The following OTUD3 variants were observed in gnomAD, a reference collection of about 807,000 sequenced individuals.
OTUD3 encodes OTU deubiquitinase 3, also known as OTU domain-containing protein 3.
A neutral mutation model predicts 46.2 loss-of-function variants in OTUD3; 24 were observed. The observed-to-expected ratio is 0.52, with a 90% CI of 0.38 to 0.73. The LOEUF (loss-of-function observed/expected upper bound fraction) is 0.73, where lower values mean the gene tolerates loss of function less well. Ranked by LOEUF, OTUD3 falls within the 30% of genes least tolerant of loss-of-function variation. The pLI, the probability that OTUD3 is intolerant of heterozygous loss-of-function variation, is 0.00. For synonymous variants in OTUD3, 189 were observed against 195.4 expected (o/e 0.97, Z 0.27); for missense variants, 455 against 523.3 (o/e 0.87, Z 1.27).
chr1:19,888,698 C>A (rs1345937869), intron 1 of OTUD3, among the ~76,000 whole-genome samples: 1 of 152,106 alleles, frequency 6.6e-6, no homozygotes, highest in Non-Finnish European at 1.5e-5. Context: ...GGTAATAGGA[C>A]CTATCTCAGA....
intron 4 of OTUD3, among the ~76,000 whole-genome samples, chr1:19,903,382 C>T (rs1194422335): frequency 1.3e-5 from 2 of 152,016 alleles, no homozygotes; most frequent in African/African-American, 4.8e-5. Flanking sequence ...GATATTATTT[C>T]CTTTGGCTAA....
chr1:19,901,322 A>G (rs1470773290), intron 4 of OTUD3, among the ~76,000 whole-genome samples: 1 of 152,192 alleles, frequency 6.6e-6, no homozygotes. Flanking sequence ...TGTGATCCAC[A>G]GGAACATTTT....
chr1:19,883,586 G>C (rs546346152), intron 1 of OTUD3, among the ~76,000 whole-genome samples: 2 of 152,274 alleles, frequency 1.3e-5, no homozygotes, highest in East Asian at 3.9e-4. Flanking sequence ...TGAGTGCTCA[G>C]ATCCTGCAGA....
Position 19,907,859 on chromosome 1 carries a change from C to A in OTUD3, c.*113C>A, listed in dbSNP as rs1477181251. The A allele has an allele frequency of 2.2e-6, 2 of 899,838 alleles. No homozygotes were observed. The highest frequency in any genetic ancestry group is 3.4e-6 in the Non-Finnish European group (2 of 593,724). 55.7% of individuals were successfully genotyped at this position (899,838 alleles called of 1,614,324 possible). On this transcript the variant is annotated 3_prime_UTR_variant, in exon 8 of 8. Transcript: ENST00000375120. ...CGCAACACAACCAACGAAGCCCACACATGAGCTCACACACTGAGTTAGTTT... is the reference window on the plus strand; with the variant it reads ...CGCAACACAACCAACGAAGCCCACAAATGAGCTCACACACTGAGTTAGTTT...
Position 19,910,963 on chromosome 1 carries a change from C to T in OTUD3, c.*3217C>T, listed in dbSNP as rs1260180134. Reference sequence around the variant, plus strand: ...GTGCAATTTCTCTAATTCTGAGAAACTCTGTAGACTCTGCCTGGGTTTTAC... The same window carrying T: ...GTGCAATTTCTCTAATTCTGAGAAATTCTGTAGACTCTGCCTGGGTTTTAC... On this transcript the variant is annotated 3_prime_UTR_variant, in exon 8 of 8. Transcript: ENST00000375120. The T allele has an allele frequency of 1.3e-5, 2 of 152,358 alleles. No individual in the cohort carries two copies. Among genetic ancestry groups the T allele is most frequent in the Non-Finnish European group, 2.9e-5 (2 of 68,068 alleles). The allele number at this position is 152,358 out of a possible 1,614,324, so 9.4% of individuals were successfully genotyped here.
intron 1 of OTUD3, among the ~76,000 whole-genome samples, chr1:19,889,433 T>G (rs1288445600): frequency 1.3e-5 from 2 of 152,172 alleles, no homozygotes; most frequent in Non-Finnish European, 2.9e-5. Flanking sequence ...TTTCTGAAAG[T>G]GATGAGTTTA....
Position 19,907,922 on chromosome 1 carries a change from A to G in OTUD3, c.*176A>G. On this transcript the variant is annotated 3_prime_UTR_variant, in exon 8 of 8. Coordinates refer to ENST00000375120, the MANE Select transcript of OTUD3 (RefSeq NM_015207.2). ...CTCTTTTTTTGTTCGAAGTTTTATT[A>G]GTGATATGTTGGTGTTTTATGAAAA... The G allele has an allele frequency of 3.8e-6, 2 of 527,738 alleles. No individual in the cohort carries two copies. Among genetic ancestry groups the G allele is most frequent in the South Asian group, 3.4e-5 (1 of 29,144 alleles). 32.7% of individuals were successfully genotyped at this position (527,738 alleles called of 1,614,324 possible).
At chr1:19,906,912 A>G (rs41264117) in intron 7 of OTUD3, 23,810 of 217,042 alleles carry the variant, frequency 0.11, 1,519 homozygotes, top group Middle Eastern at 0.15. Flanking sequence ...ATGTTTATCC[A>G]TGTTTTTTAT....
intron 1 of OTUD3, among the ~76,000 whole-genome samples, chr1:19,884,461 A>C (rs1414089371): frequency 6.6e-6 from 1 of 152,240 alleles, no homozygotes; most frequent in Non-Finnish European, 1.5e-5. Context: ...TATGTTGATG[A>C]CTAAGATACT....
At chr1:19,894,148 G>T (rs80227741) in intron 2 of OTUD3, among the ~76,000 whole-genome samples, 216 of 152,314 alleles carry the variant, frequency 1.4e-3, no homozygotes, top group African/African-American at 5.0e-3. Flanking sequence ...TATTGCAGAA[G>T]AAATAAATGG....
At chr1:19,903,107 G>C (rs2045614183) in intron 4 of OTUD3, among the ~76,000 whole-genome samples, 1 of 141,130 alleles carries the variant, frequency 7.1e-6, no homozygotes, top group East Asian at 2.1e-4. Flanking sequence ...GAATGCAGTG[G>C]TGTGATCTCG....
At chr1:19,901,291 CTT>C (rs1244339341) in intron 4 of OTUD3, among the ~76,000 whole-genome samples, 1 of 152,070 alleles carries the variant, frequency 6.6e-6, no homozygotes, top group African/African-American at 2.4e-5. Context: ...GATGTTGAGT[CTT>C]TTATTATTTA....
intron 4 of OTUD3, among the ~76,000 whole-genome samples, chr1:19,898,597 G>T (rs771100852): frequency 7.3e-5 from 11 of 151,476 alleles, no homozygotes; most frequent in Non-Finnish European, 1.6e-4. Context: ...GTGTGGTGGC[G>T]CATGCCTGTA....
rs2045431237 is a variant in OTUD3, at chr1:19,890,457, G to C, written c.294G>C (p.Glu98Asp). The part of the protein sequence containing the change: ...HSRNHLKHRQ[E>D]TVDYMIKQRE... ...GAAATCATCTCAAGCACAGACAGGA[G>C]ACAGTGGACTACATGATAAAGCAGC... is the stretch of plus-strand genomic sequence containing the variant. The change falls in exon 2 of 8, where the codon GAG becomes GAC. Residue 98 changes from glutamate to aspartate, a missense_variant. Transcript: ENST00000375120. The C allele has an allele frequency of 6.2e-7, 1 of 1,613,808 alleles. No homozygotes were observed. Among genetic ancestry groups the C allele is most frequent in the Admixed American group, 1.7e-5 (1 of 60,000 alleles).
intron 3 of OTUD3, among the ~76,000 whole-genome samples, chr1:19,895,134 TACAC>T (rs1387090024): frequency 6.6e-6 from 1 of 152,218 alleles, no homozygotes; most frequent in African/African-American, 2.4e-5. Flanking sequence ...TTAAAACACA[TACAC>T]ACATGTATCC....
intron 1 of OTUD3, among the ~76,000 whole-genome samples, chr1:19,884,628 G>GTT (rs35244584): frequency 0.34 from 51,810 of 151,912 alleles, 9,114 homozygotes; most frequent in Non-Finnish European, 0.4. Context: ...GTAAAACAAA[G>GTT]TTAAAACACA....
intron 4 of OTUD3, among the ~76,000 whole-genome samples, chr1:19,898,237 C>T (rs1290077554): frequency 4.6e-5 from 7 of 151,842 alleles, no homozygotes; most frequent in South Asian, 2.1e-4. Context: ...GGTGAGCCAC[C>T]GCACCTGGCC....
At chr1:19,900,364 A>G (rs2045570296) in intron 4 of OTUD3, among the ~76,000 whole-genome samples, 1 of 151,670 alleles carries the variant, frequency 6.6e-6, no homozygotes, top group Non-Finnish European at 1.5e-5. Context: ...CTAATTTTTT[A>G]TTTTTTGTAG....
chr1:19,909,395 A>T lies in OTUD3; in HGVS notation c.*1649A>T, dbSNP rs2045705560. 6.6e-6 allele frequency: 1 copy of T among 152,310 alleles called. No individual in the cohort carries two copies. The highest frequency in any genetic ancestry group is 1.5e-5 in the Non-Finnish European group (1 of 68,026). 9.4% of individuals were successfully genotyped at this position (152,310 alleles called of 1,614,324 possible). ...AGTACATTGTAAAATTTAGCAGATTAAAAAAAGTACACAGCATTTTTTTTC... is the reference window on the plus strand; with the variant it reads ...AGTACATTGTAAAATTTAGCAGATTTAAAAAAGTACACAGCATTTTTTTTC... On this transcript the variant is annotated 3_prime_UTR_variant, in exon 8 of 8. Transcript: ENST00000375120.
Sources: allele counts gnomAD v4.1 joint callset (sites outside exome capture counted in the v4.1 genomes callset), GRCh38; gene constraint gnomAD v4.1.1; transcripts MANE v1.5; gene names NCBI Gene and HGNC (gene_info 2026-07-23, HGNC 2026-07-21).